Variants in NOL4 observed in about 807,000 individuals in gnomAD.
NOL4 encodes cancer/testis antigen 125.
In NOL4, 17 loss-of-function variants were observed where a neutral mutation model predicts 75.9. The observed-to-expected ratio is 0.22, with a 90% CI of 0.15 to 0.34. The LOEUF is 0.34. Among genes scored for constraint, NOL4 ranks in the 10% least tolerant of loss-of-function variants. NOL4 has a pLI of 1.00. For missense variants in NOL4, 614 were observed against 793.5 expected, an observed-to-expected ratio of 0.77 and a Z score of 2.72; for synonymous variants, 292 against 289.9, an observed-to-expected ratio of 1.01 and a Z score of -0.07.
intron 6 of NOL4, among the ~76,000 whole-genome samples, chr18:33,964,746 G>A (rs2145809747): frequency 6.6e-6 from 1 of 152,284 alleles, no homozygotes; most frequent in Non-Finnish European, 1.5e-5. Flanking sequence ...GCACAGTCAA[G>A]CTTGAGAACC....
intron 5 of NOL4, among the ~76,000 whole-genome samples, chr18:34,071,401 G>A (rs2077508980): frequency 6.7e-6 from 1 of 149,156 alleles, no homozygotes. Context: ...GAGATTGTCA[G>A]GCTGAAGATA....
chr18:33,856,783 A>G (rs1444228457), intron 10 of NOL4, among the ~76,000 whole-genome samples: 1 of 152,092 alleles, frequency 6.6e-6, no homozygotes, highest in Non-Finnish European at 1.5e-5. Flanking sequence ...TACTTATACA[A>G]AAAGAGAGAA....
intron 5 of NOL4, among the ~76,000 whole-genome samples, chr18:34,023,905 T>C (rs1484692709): frequency 6.6e-6 from 1 of 151,950 alleles, no homozygotes; most frequent in Non-Finnish European, 1.5e-5. Context: ...ATTCCCTCCA[T>C]GAATTAGTAG....
At chr18:34,167,809 T>C (rs2032573234) in intron 1 of NOL4, among the ~76,000 whole-genome samples, 1 of 152,156 alleles carries the variant, frequency 6.6e-6, no homozygotes, top group South Asian at 2.1e-4. Context: ...GGAGAAGCAG[T>C]GAAGTCTTGG....
chr18:33,885,903 A>G (rs908656490), intron 9 of NOL4, among the ~76,000 whole-genome samples: 2 of 152,186 alleles, frequency 1.3e-5, no homozygotes, highest in Non-Finnish European at 2.9e-5. Context: ...TACAATAGCT[A>G]AGATTTGGAA....
At chr18:34,188,973 T>C (rs530637237) in intron 1 of NOL4, among the ~76,000 whole-genome samples, 39 of 152,282 alleles carry the variant, frequency 2.6e-4, no homozygotes, top group Admixed American at 2.4e-3. Context: ...ATATTTCCAA[T>C]ATATTAACTC....
intron 5 of NOL4, among the ~76,000 whole-genome samples, chr18:34,090,017 A>G (rs2078436849): frequency 6.6e-6 from 1 of 152,154 alleles, no homozygotes; most frequent in Admixed American, 6.6e-5. Flanking sequence ...ATAAATCAAG[A>G]TACAGAAGAG....
chr18:33,954,270 A>G (rs1387479054), intron 8 of NOL4, among the ~76,000 whole-genome samples: 5 of 152,172 alleles, frequency 3.3e-5, no homozygotes, highest in African/African-American at 1.2e-4. Flanking sequence ...TGTTCAATAC[A>G]GGCACAATCC....
chr18:34,053,427 G>A (rs1284869591), intron 5 of NOL4, among the ~76,000 whole-genome samples: 1 of 151,958 alleles, frequency 6.6e-6, no homozygotes, highest in Non-Finnish European at 1.5e-5. Context: ...CAACCAGTAG[G>A]TTAGACCCTA....
chr18:34,072,281 C>T (rs749670115), intron 5 of NOL4, among the ~76,000 whole-genome samples: 1 of 151,914 alleles, frequency 6.6e-6, no homozygotes, highest in Admixed American at 6.6e-5. Context: ...CTATTCAAAC[C>T]CTAATCATAA....
intron 5 of NOL4, among the ~76,000 whole-genome samples, chr18:34,070,711 A>C (rs1214820435): frequency 6.6e-6 from 1 of 152,240 alleles, no homozygotes; most frequent in Non-Finnish European, 1.5e-5. Flanking sequence ...AGACATGATA[A>C]GGTAAATTTT....
intron 5 of NOL4, chr18:34,048,458 C>CTT: frequency 1.0e-6 from 1 of 985,396 alleles, no homozygotes; most frequent in Non-Finnish European, 1.2e-6. Flanking sequence ...TGCTCTTCAA[C>CTT]TTAAATACCA....
chr18:34,149,792 A>G (rs1373386240), intron 1 of NOL4, among the ~76,000 whole-genome samples: 1 of 151,664 alleles, frequency 6.6e-6, no homozygotes, highest in African/African-American at 2.4e-5. Flanking sequence ...TGAACTCATT[A>G]AGAGAAAATG....
At chr18:33,967,140 T>C (rs574669564) in intron 6 of NOL4, among the ~76,000 whole-genome samples, 16 of 152,088 alleles carry the variant, frequency 1.1e-4, no homozygotes, top group Non-Finnish European at 1.5e-4. Context: ...CATGGACCAA[T>C]GGAACAGAAT....
At chr18:33,900,610 G>T (rs760363934) in intron 9 of NOL4, among the ~76,000 whole-genome samples, 1 of 151,894 alleles carries the variant, frequency 6.6e-6, no homozygotes, top group Admixed American at 6.6e-5. Flanking sequence ...CATTTGAAAC[G>T]GAAGGAAAAA....
At chr18:33,949,610 A>G (rs928593326) in intron 8 of NOL4, among the ~76,000 whole-genome samples, 7 of 152,104 alleles carry the variant, frequency 4.6e-5, no homozygotes, top group African/African-American at 1.7e-4. Flanking sequence ...GAGCCCGTGG[A>G]TCTACTATGT....
At chr18:33,908,359 T>C (rs1410120568) in intron 9 of NOL4, among the ~76,000 whole-genome samples, 2 of 152,194 alleles carry the variant, frequency 1.3e-5, no homozygotes, top group Non-Finnish European at 2.9e-5. Flanking sequence ...GATATAATCA[T>C]AGATGGTTTT....
At chr18:33,970,200 T>C (rs781660152) in intron 6 of NOL4, among the ~76,000 whole-genome samples, 2 of 152,204 alleles carry the variant, frequency 1.3e-5, no homozygotes, top group Admixed American at 6.5e-5. Flanking sequence ...GGAATCTTCA[T>C]GATATTTGAG....
At chr18:34,191,336 A>T (rs1568435420) in intron 1 of NOL4, among the ~76,000 whole-genome samples, 1 of 152,160 alleles carries the variant, frequency 6.6e-6, no homozygotes, top group Admixed American at 6.6e-5. Context: ...ATAATATTGT[A>T]CTACATAACA....
Sources: allele counts gnomAD v4.1 joint callset (sites outside exome capture counted in the v4.1 genomes callset), GRCh38; gene constraint gnomAD v4.1.1; transcripts MANE v1.5; gene names NCBI Gene and HGNC (gene_info 2026-07-23, HGNC 2026-07-21).